Variants in RAX observed in about 807,000 individuals in gnomAD.
The protein encoded by RAX is retina and anterior neural fold homeobox.
A neutral mutation model predicts 17.4 loss-of-function variants in RAX; 11 were observed. The ratio of observed to expected loss-of-function variants is 0.63; its 90% CI spans 0.40 to 1.05. RAX has a LOEUF of 1.05. RAX is among the 50% of genes least tolerant of loss of function. The pLI, the probability that RAX is intolerant of heterozygous loss-of-function variation, is 0.00. For missense variants in RAX, 527 were observed against 501.1 expected, an observed-to-expected ratio of 1.05 and a Z score of -0.49; for synonymous variants, 276 against 254.7, an observed-to-expected ratio of 1.08 and a Z score of -0.80.
Position 59,269,009 on chromosome 18 carries a change from G to C in RAX, c.1036C>G (p.Leu346Val). 2 of 1,613,018 alleles carry C rather than the reference G, an allele frequency of 1.2e-6. No individual in the cohort carries two copies. Among genetic ancestry groups the C allele is most frequent in the Non-Finnish European group, 1.7e-6 (2 of 1,179,880 alleles). The change falls in exon 3 of 3, where the codon CTC becomes GTC. Residue 346 changes from leucine (L) to valine (V), a missense_variant. Physicochemically the swap from Leu to Val is conservative, Grantham distance 32. Transcript: ENST00000334889. ...IQAIGKPWQA[L>V] Reference sequence around the variant, plus strand: ...CAAGACGTTCCCCAGTGCCCCTAGAGGGCCTGCCACGGCTTCCCGATGGCC... The same window carrying C: ...CAAGACGTTCCCCAGTGCCCCTAGACGGCCTGCCACGGCTTCCCGATGGCC...
chr18:59,268,908 G>C lies in RAX; in HGVS notation c.*96C>G, dbSNP rs923299127. The C allele has an allele frequency of 1.3e-6, 2 of 1,589,118 alleles. No individual in the cohort carries two copies. Among genetic ancestry groups the C allele is most frequent in the African/African-American group, 2.7e-5 (2 of 74,538 alleles). On this transcript the variant is annotated 3_prime_UTR_variant, in exon 3 of 3. Coordinates refer to ENST00000334889, the MANE Select transcript of RAX (RefSeq NM_013435.3). The surrounding 1 kb of genome is among the most constrained non-coding windows in gnomAD (Gnocchi z 4.4). ...GGTGGCTGCAGGCGACAGGGAAAGA[G>C]GGGCCGAGCTGGGGAGGGGGGTTGT...
chr18:59,273,248 G>A lies in RAX; in HGVS notation c.-42C>T, dbSNP rs527417552. 2 of 1,506,062 alleles carry A rather than the reference G, an allele frequency of 1.3e-6. No homozygotes were observed. Among genetic ancestry groups the A allele is most frequent in the South Asian group, 2.5e-5 (2 of 79,894 alleles). 93.3% of individuals were successfully genotyped at this position (1,506,062 alleles called of 1,614,324 possible). A position where few individuals can be genotyped will look rare whatever the true frequency, so the allele number is the denominator to read the frequency against. ...CGGGAGGGCGCTTTGGAGACGGAGA[G>A]GAGAGGCTCGAAGCCGGGTCTTCCC... On this transcript the variant is annotated 5_prime_UTR_variant, in exon 1 of 3. Transcript: ENST00000334889.
intron 2 of RAX, among the ~76,000 whole-genome samples, chr18:59,271,919 C>T (rs927094330): frequency 6.6e-6 from 1 of 152,214 alleles, no homozygotes; most frequent in Non-Finnish European, 1.5e-5. Context: ...TGCGAGGTGC[C>T]AGGCCCTTCG....
chr18:59,269,482 C>A lies in RAX; in HGVS notation c.563G>T (p.Arg188Leu), dbSNP rs2070316357. 6.3e-7 allele frequency: 1 copy of A among 1,596,646 alleles called. No individual in the cohort carries two copies. Among genetic ancestry groups the A allele is most frequent in the Non-Finnish European group, 8.5e-7 (1 of 1,179,236 alleles). ...CTTCTCCTGCCGCCGCCACTTAGCCCGTCGGTTCTGGAACCACACCTGCAG... is the reference window on the plus strand; with the variant it reads ...CTTCTCCTGCCGCCGCCACTTAGCCAGTCGGTTCTGGAACCACACCTGCAG... ...VRVQVWFQNR[R>L]AKWRRQEKLE... The change falls in exon 3 of 3, where the codon CGG (arginine) becomes CTG (leucine). Residue 188 changes from arginine (R) to leucine (L), a missense_variant. Physicochemically the swap from Arg to Leu is moderately radical, Grantham distance 102. Coordinates refer to ENST00000334889, the MANE Select transcript of RAX (RefSeq NM_013435.3).
Position 59,269,249 on chromosome 18 carries a change from G to T in RAX, c.796C>A (p.Pro266Thr). The change falls in exon 3 of 3, where the codon CCG becomes ACG. Residue 266 changes from proline to threonine, a missense_variant. Physicochemically the swap from Pro to Thr is conservative, Grantham distance 38 (BLOSUM62 -1). Coordinates refer to ENST00000334889, the MANE Select transcript of RAX (RefSeq NM_013435.3). Reference protein sequence around the residue: ...ALQSLPGFGPPAQSLPASYTP... With the variant: ...ALQSLPGFGPTAQSLPASYTP... Reference sequence around the variant, plus strand: ...TAGCTGGCAGGCAGGCTCTGCGCCGGCGGCCCGAAGCCCGGCAGGCTCTGC... The same window carrying T: ...TAGCTGGCAGGCAGGCTCTGCGCCGTCGGCCCGAAGCCCGGCAGGCTCTGC... 1 of 1,503,010 alleles carries T rather than the reference G, an allele frequency of 6.7e-7. No individual in the cohort carries two copies. Among genetic ancestry groups the T allele is most frequent in the Non-Finnish European group, 8.8e-7 (1 of 1,133,242 alleles). The allele number at this position is 1,503,010 out of a possible 1,614,324, so 93.1% of individuals were successfully genotyped here.
chr18:59,270,274 G>A (rs1354105242), intron 2 of RAX, among the ~76,000 whole-genome samples: 1 of 152,058 alleles, frequency 6.6e-6, no homozygotes, highest in African/African-American at 2.4e-5. Context: ...TACTATTTCT[G>A]CTGTTTGTTA....
intron 2 of RAX, among the ~76,000 whole-genome samples, chr18:59,271,284 T>C (rs2070336512): frequency 6.6e-6 from 1 of 152,222 alleles, no homozygotes; most frequent in African/African-American, 2.4e-5. Context: ...AGGCTTTGCC[T>C]CTACTCTTTC....
rs2070358434 is a variant in RAX, at chr18:59,273,361, C to G, written c.-155G>C. On this transcript the variant is annotated 5_prime_UTR_variant, in exon 1 of 3. Transcript: ENST00000334889. Reference sequence around the variant, plus strand: ...CCGGGCTGCGCACGCTGGGGGTGGCCGAGCGCTCAGCCCGCTGCCGCCTTA... The same window carrying G: ...CCGGGCTGCGCACGCTGGGGGTGGCGGAGCGCTCAGCCCGCTGCCGCCTTA... 1 of 803,566 alleles carries G rather than the reference C, an allele frequency of 1.2e-6. No homozygotes were observed. The highest frequency in any genetic ancestry group is 1.8e-6 in the Non-Finnish European group (1 of 544,174). The allele number at this position is 803,566 out of a possible 1,614,324, so 49.8% of individuals were successfully genotyped here. A position where few individuals can be genotyped will look rare whatever the true frequency, so the allele number is the denominator to read the frequency against.
rs763988866 is a variant in RAX, at chr18:59,273,253, G to A, written c.-47C>T. The A allele has an allele frequency of 4.0e-6, 6 of 1,499,754 alleles. No homozygotes were observed. Among genetic ancestry groups the A allele is most frequent in the Non-Finnish European group, 4.4e-6 (5 of 1,127,612 alleles). The allele number at this position is 1,499,754 out of a possible 1,614,324, so 92.9% of individuals were successfully genotyped here. A position where few individuals can be genotyped will look rare whatever the true frequency, so the allele number is the denominator to read the frequency against. ...GGGCGCTTTGGAGACGGAGAGGAGA[G>A]GCTCGAAGCCGGGTCTTCCCGAGTG... On this transcript the variant is annotated 5_prime_UTR_variant, in exon 1 of 3. Coordinates refer to ENST00000334889, the MANE Select transcript of RAX (RefSeq NM_013435.3).
In RAX at chr18:59,269,339, C is replaced by T. The variant is rs781609155; in HGVS notation, c.706G>A (p.Gly236Arg). ...CAGGACTCCAGCGGCAGCGCGCCCC[C>T]AGCCGGCCCGCCACCGCTGCCCGGG... is the stretch of plus-strand genomic sequence containing the variant. ...AGPGSGGGPAGGALPLESWLG... is the reference protein window; with the variant it reads ...AGPGSGGGPARGALPLESWLG... Residue 236 changes from glycine (G) to arginine (R), a missense_variant, in exon 3 of 3, where the codon GGG (glycine) becomes AGG (arginine). Transcript: ENST00000334889. 9 of 1,334,946 alleles carry T rather than the reference C, an allele frequency of 6.7e-6. No individual in the cohort carries two copies. Among genetic ancestry groups the T allele is most frequent in the South Asian group, 2.0e-5 (1 of 49,492 alleles). 82.7% of individuals were successfully genotyped at this position (1,334,946 alleles called of 1,614,324 possible).
In RAX at chr18:59,273,217, G is replaced by C. The variant is rs2070356542; in HGVS notation, c.-11C>G. ...GCCCGGCAGGTGCATGGGGAGCGCCGGGAGGCGGGAGGGCGCTTTGGAGAC... is the reference window on the plus strand; with the variant it reads ...GCCCGGCAGGTGCATGGGGAGCGCCCGGAGGCGGGAGGGCGCTTTGGAGAC... On this transcript the variant is annotated 5_prime_UTR_variant, in exon 1 of 3. Transcript: ENST00000334889. 2 of 1,524,678 alleles carry C rather than the reference G, an allele frequency of 1.3e-6. No homozygotes were observed. Among genetic ancestry groups the C allele is most frequent in the South Asian group, 1.2e-5 (1 of 82,660 alleles). The allele number at this position is 1,524,678 out of a possible 1,614,324, so 94.4% of individuals were successfully genotyped here.
Position 59,269,380 on chromosome 18 carries a change from G to C in RAX, c.665C>G (p.Ser222Trp), listed in dbSNP as rs768156635. Residue 222 changes from serine (S) to tryptophan (W), a missense_variant, in exon 3 of 3, where the codon TCG becomes TGG. By Grantham distance (177) the Ser-to-Trp change is radical (BLOSUM62 -3). Transcript: ENST00000334889. ...FSRSPPSATL[S>W]PLGAGPGSGG... ...GCTGCCCGGGCCCGCCCCGAGGGGC[G>C]ACAGCGTCGCGGAGGGCGGGGAGCG... 2 of 1,498,044 alleles carry C rather than the reference G, an allele frequency of 1.3e-6. No individual in the cohort carries two copies. The highest frequency in any genetic ancestry group is 1.8e-6 in the Non-Finnish European group (2 of 1,128,600). The allele number at this position is 1,498,044 out of a possible 1,614,324, so 92.8% of individuals were successfully genotyped here.
At position 59,269,326 on chromosome 18, in the gene RAX, G is replaced by T. The variant is rs1225320870; in HGVS notation, c.719C>A (p.Pro240Gln). ...SGGGPAGGALPLESWLGPPLP... is the reference protein window; with the variant it reads ...SGGGPAGGALQLESWLGPPLP... ...CGGCGGCCCGAGCCAGGACTCCAGC[G>T]GCAGCGCGCCCCCAGCCGGCCCGCC... The change falls in exon 3 of 3, where the codon CCG becomes CAG. Residue 240 changes from proline (P) to glutamine (Q), a missense_variant. By Grantham distance (76) the Pro-to-Gln change is moderately conservative. Coordinates refer to ENST00000334889, the MANE Select transcript of RAX (RefSeq NM_013435.3). 7.7e-7 allele frequency: 1 copy of T among 1,301,388 alleles called. No homozygotes were observed. Among genetic ancestry groups the T allele is most frequent in the Non-Finnish European group, 9.7e-7 (1 of 1,030,890 alleles). The allele number at this position is 1,301,388 out of a possible 1,614,324, so 80.6% of individuals were successfully genotyped here. A position where few individuals can be genotyped will look rare whatever the true frequency, so the allele number is the denominator to read the frequency against.
chr18:59,268,787 G>A lies in RAX; in HGVS notation c.*217C>T. ...GCTGCAGGGCTGAGGTCCGCGAAGT[G>A]CGTTGAGGCGGCCAGAGGGCCTCTC... On this transcript the variant is annotated 3_prime_UTR_variant, in exon 3 of 3. Coordinates refer to ENST00000334889, the MANE Select transcript of RAX (RefSeq NM_013435.3). The surrounding 1 kb of genome is among the most constrained non-coding windows in gnomAD (Gnocchi z 4.4). 1.3e-6 allele frequency: 1 copy of A among 754,518 alleles called. No individual in the cohort carries two copies. The highest frequency in any genetic ancestry group is 2.1e-6 in the Non-Finnish European group (1 of 480,136). The allele number at this position is 754,518 out of a possible 1,614,324, so 46.7% of individuals were successfully genotyped here.
At chr18:59,271,691 C>A (rs1317912218) in intron 2 of RAX, among the ~76,000 whole-genome samples, 1 of 152,166 alleles carries the variant, frequency 6.6e-6, no homozygotes, top group Non-Finnish European at 1.5e-5. Context: ...GTAAACTCTC[C>A]CAATTTGGAA....
At chr18:59,272,891 C>T in intron 1 of RAX, 27 bp downstream of exon 1, 1 of 1,493,104 alleles carries the variant, frequency 6.7e-7, no homozygotes, top group South Asian at 1.4e-5. Context: ...CCCGAACGGC[C>T]TCGCACAGCC....
Position 59,269,268 on chromosome 18 carries a change from G to A in RAX, c.777C>T (p.Ser259=), listed in dbSNP as rs1331986929. Residue 259 remains serine (S), a synonymous_variant, in exon 3 of 3, where the codon AGC becomes AGT. Transcript: ENST00000334889. The part of the protein sequence containing the change: ...LPGGGATALQ[S]LPGFGPPAQS... ...GCGCCGGCGGCCCGAAGCCCGGCAG[G>A]CTCTGCAGCGCCGTGGCGCCCCCGC... is the stretch of plus-strand genomic sequence containing the variant. 16 of 1,396,652 alleles carry A rather than the reference G, an allele frequency of 1.1e-5. No homozygotes were observed. The highest frequency in any genetic ancestry group is 6.2e-5 in the East Asian group (2 of 32,304). 86.5% of individuals were successfully genotyped at this position (1,396,652 alleles called of 1,614,324 possible). A position where few individuals can be genotyped will look rare whatever the true frequency, so the allele number is the denominator to read the frequency against.
At chr18:59,269,941 C>T (rs1003538642) in intron 2 of RAX, among the ~76,000 whole-genome samples, 1 of 152,122 alleles carries the variant, frequency 6.6e-6, no homozygotes, top group Non-Finnish European at 1.5e-5. Context: ...AACTTTGAAA[C>T]GAGATCTCAC....
chr18:59,272,430 G>A lies in RAX; in HGVS notation c.474C>T (p.Ser158=), dbSNP rs1568097710. The A allele has an allele frequency of 6.2e-7, 1 of 1,614,218 alleles. No individual in the cohort carries two copies. ...LHELERAFEK[S]HYPDVYSREE... is the part of the protein sequence containing the mutation. Reference sequence around the variant, plus strand: ...CGCGGCTGTACACGTCCGGGTAGTGGGACTTCTCGAACGCGCGCTCCAGCT... The same window carrying A: ...CGCGGCTGTACACGTCCGGGTAGTGAGACTTCTCGAACGCGCGCTCCAGCT... The change falls in exon 2 of 3, where the codon TCC becomes TCT. Residue 158 remains serine, a synonymous_variant. Coordinates refer to ENST00000334889, the MANE Select transcript of RAX (RefSeq NM_013435.3).
Sources: gnomAD v4.1 joint callset for allele counts (sites outside exome capture counted in the v4.1 genomes callset) on GRCh38, gnomAD v4.1.1 for gene constraint, Gnocchi (gnomAD v3.1) non-coding constraint, MANE v1.5 for transcripts, NCBI Gene and HGNC (gene_info 2026-07-23, HGNC 2026-07-21) for gene names.